Variants in COL28A1 observed in about 807,000 individuals in gnomAD.
The protein encoded by COL28A1 is collagen alpha-1(XXVIII) chain.
In COL28A1, 161 loss-of-function variants were observed where a neutral mutation model predicts 150.2. The observed-to-expected ratio is 1.07, with a 90% CI of 0.94 to 1.22. The LOEUF is 1.22. Ranked by LOEUF, COL28A1 falls within the 50% of genes most tolerant of loss-of-function variation. The pLI, the probability that COL28A1 is intolerant of heterozygous loss-of-function variation, is 0.00. For missense variants in COL28A1, 1,617 were observed against 1,388.3 expected (o/e 1.16, Z -2.62); for synonymous variants, 552 against 469.7 (o/e 1.18, Z -2.26).
At chr7:7,464,769 C>A (rs1044966321) in intron 15 of COL28A1, among the ~76,000 whole-genome samples, 7 of 152,084 alleles carry the variant, frequency 4.6e-5, no homozygotes, top group Non-Finnish European at 1.0e-4. Context: ...GAAACAAGAA[C>A]AAACCAAACC....
rs772497677 is a variant in COL28A1 at position 7,373,948 on chromosome 7, C to T, written c.2360-402G>A. 2.7e-5 allele frequency among the ~76,000 whole-genome samples: 4 copies of T among 150,078 alleles called. No homozygotes were observed. Among genetic ancestry groups the T allele is most frequent in the Non-Finnish European group, 5.9e-5 (4 of 67,674 alleles). On this transcript the variant is annotated intron_variant, in intron 31 of 34. Coordinates refer to ENST00000399429, the MANE Select transcript of COL28A1 (RefSeq NM_001037763.3). This position sits in a 1 kb window ranked among gnomAD's most constrained non-coding sequence, Gnocchi z 4.1. ...TCTCCTGACCTCGTGATATGCCCGC[C>T]TCGGCCTCCCAAAGTGCTGGGATTA...
At chr7:7,366,370 T>C (rs73345248) in intron 33 of COL28A1, among the ~76,000 whole-genome samples, 1,826 of 152,276 alleles carry the variant, frequency 0.012, 48 homozygotes, top group African/African-American at 0.042. Context: ...GTCAAGAGAA[T>C]AGTCCTTAGC....
chr7:7,411,439 C>G (rs1383456686), intron 27 of COL28A1, among the ~76,000 whole-genome samples: 1 of 152,126 alleles, frequency 6.6e-6, no homozygotes, highest in African/African-American at 2.4e-5. Flanking sequence ...CTGCTGGCAT[C>G]CCAAGCAATC....
chr7:7,351,694 C>G (rs917794019), downstream of COL28A1, among the ~76,000 whole-genome samples: 15 of 151,718 alleles, frequency 9.9e-5, no homozygotes, highest in African/African-American at 2.7e-4. Context: ...ATGATGAGTA[C>G]ATATAGACAT....
intron 11 of COL28A1, among the ~76,000 whole-genome samples, chr7:7,505,792 C>G (rs1285389869): frequency 6.6e-6 from 1 of 152,142 alleles, no homozygotes; most frequent in African/African-American, 2.4e-5. Flanking sequence ...TTATAGTTAA[C>G]AATATCCCTC....
intron 27 of COL28A1, among the ~76,000 whole-genome samples, chr7:7,395,151 G>C (rs913445734): frequency 2.6e-5 from 4 of 152,166 alleles, no homozygotes; most frequent in African/African-American, 9.7e-5. Context: ...AAATTAGCCA[G>C]GTGTGGTGGC....
At chr7:7,490,269 A>G (rs1435436709) in intron 12 of COL28A1, among the ~76,000 whole-genome samples, 6 of 152,226 alleles carry the variant, frequency 3.9e-5, no homozygotes, top group Non-Finnish European at 1.5e-5. Context: ...TCACTTCCCA[A>G]TAACATATTT....
In COL28A1 at chr7:7,475,108, CT is replaced by C. The variant is rs139796835; in HGVS notation, c.1234-440del. 7.6e-4 allele frequency among the ~76,000 whole-genome samples: 114 copies of C among 149,792 alleles called. 1 individual carries two copies. The highest frequency in any genetic ancestry group is 1.9e-3 in the African/African-American group (78 of 41,130). On this transcript the variant is annotated intron_variant, in intron 14 of 34. Transcript: ENST00000399429. ...ATACTTGCTAGGATTAGATTATTACCTTTTTTTTTGTTTATAAACATTCATT... is the reference window on the plus strand; with the variant it reads ...ATACTTGCTAGGATTAGATTATTACCTTTTTTTTGTTTATAAACATTCATT...
intron 13 of COL28A1, among the ~76,000 whole-genome samples, chr7:7,482,869 T>A (rs1779419635): frequency 6.6e-6 from 1 of 152,202 alleles, no homozygotes; most frequent in South Asian, 2.1e-4. Context: ...AAGTTAAGCA[T>A]CTTAGGTAAG....
intron 15 of COL28A1, among the ~76,000 whole-genome samples, chr7:7,462,306 T>C (rs187421762): frequency 6.6e-6 from 1 of 152,244 alleles, no homozygotes; most frequent in Admixed American, 6.5e-5. Flanking sequence ...TCTGGTAATA[T>C]GACGAAACAA....
intron 23 of COL28A1, among the ~76,000 whole-genome samples, chr7:7,433,737 C>T (rs1350266209): frequency 2.6e-5 from 4 of 152,014 alleles, no homozygotes; most frequent in African/African-American, 4.8e-5. Context: ...TCTGTTACAC[C>T]GATCTGTTGT....
At chr7:7,403,178 G>T (rs1306975767) in intron 27 of COL28A1, among the ~76,000 whole-genome samples, 1 of 148,162 alleles carries the variant, frequency 6.7e-6, no homozygotes, top group African/African-American at 2.5e-5. Context: ...TGAAGTTGGG[G>T]TGAAAGGGAT....
At chr7:7,521,578 T>C (rs1781726835) in intron 5 of COL28A1, among the ~76,000 whole-genome samples, 1 of 152,220 alleles carries the variant, frequency 6.6e-6, no homozygotes. Context: ...AAAGCACTGA[T>C]TATTTGTATT....
intron 34 of COL28A1, among the ~76,000 whole-genome samples, chr7:7,359,075 G>A (rs182531043): frequency 3.2e-4 from 49 of 152,128 alleles, no homozygotes; most frequent in African/African-American, 1.1e-3. Flanking sequence ...TTATTTCCCT[G>A]AAAGCCTAAG....
chr7:7,496,851 A>G (rs1245074546), intron 11 of COL28A1, among the ~76,000 whole-genome samples: 1 of 152,190 alleles, frequency 6.6e-6, no homozygotes, highest in Non-Finnish European at 1.5e-5. Context: ...TAATATTTTA[A>G]GTTTTATTGC....
At chr7:7,488,668 A>C (rs2128367426) in intron 13 of COL28A1, among the ~76,000 whole-genome samples, 1 of 152,342 alleles carries the variant, frequency 6.6e-6, no homozygotes, top group South Asian at 2.1e-4. Flanking sequence ...CGCAGGTATT[A>C]TCTGTCTACC....
intron 18 of COL28A1, among the ~76,000 whole-genome samples, chr7:7,445,219 G>C (rs1054434785): frequency 3.3e-5 from 5 of 152,140 alleles, no homozygotes; most frequent in African/African-American, 1.2e-4. Context: ...TGAGAGAATG[G>C]ACTAATACAA....
At position 7,366,193 on chromosome 7, in the gene COL28A1, T is replaced by C. The variant is rs188075807; in HGVS notation, c.3066+4532A>G. On this transcript the variant is annotated intron_variant, in intron 33 of 34. Coordinates refer to ENST00000399429, the MANE Select transcript of COL28A1 (RefSeq NM_001037763.3). ...TGAGAAAACTGAGACCTCAGGAAAA[T>C]AGGTGATTCCCCTAACATCAGGCAG... 1.6e-4 allele frequency among the ~76,000 whole-genome samples: 24 copies of C among 152,288 alleles called. 1 individual carries two copies. Among genetic ancestry groups the C allele is most frequent in the African/African-American group, 5.3e-4 (22 of 41,552 alleles).
intron 27 of COL28A1, among the ~76,000 whole-genome samples, chr7:7,398,993 T>C (rs1189789810): frequency 6.6e-6 from 1 of 152,194 alleles, no homozygotes; most frequent in African/African-American, 2.4e-5. Flanking sequence ...TCTTGTCCAC[T>C]TCTAAGACCT....
Sources: gnomAD v4.1 joint callset for allele counts (sites outside exome capture counted in the v4.1 genomes callset) on GRCh38, gnomAD v4.1.1 for gene constraint, Gnocchi (gnomAD v3.1) non-coding constraint, MANE v1.5 for transcripts, NCBI Gene and HGNC (gene_info 2026-07-23, HGNC 2026-07-21) for gene names.